DNAH12: variants seen among roughly 807,000 people sequenced by gnomAD.
DNAH12 encodes dynein axonemal heavy chain 12.
Under a neutral mutation model 371.5 loss-of-function variants are expected in DNAH12, and 285 were observed. That is an observed-to-expected ratio of 0.77 (90% CI 0.70 to 0.85). DNAH12 has a LOEUF of 0.85. Among genes scored for constraint, DNAH12 ranks in the 40% least tolerant of loss-of-function variants. DNAH12 has a pLI of 0.00. For synonymous variants in DNAH12, 1,200 were observed against 1,213.0 expected (o/e 0.99, Z 0.22); for missense variants, 3,611 against 3,689.4 (o/e 0.98, Z 0.55).
intron 58 of DNAH12, among the ~76,000 whole-genome samples, chr3:57,359,740 G>A (rs1485417319): frequency 6.6e-6 from 1 of 152,080 alleles, no homozygotes. Context: ...AGTAGCAGTA[G>A]GGGTAAATTT....
chr3:57,393,566 C>A (rs1237355725), intron 44 of DNAH12, among the ~76,000 whole-genome samples: 1 of 128,712 alleles, frequency 7.8e-6, no homozygotes, highest in African/African-American at 3.0e-5. Flanking sequence ...GCGGAGGTTG[C>A]AGTGAGGCGA....
At chr3:57,445,532 C>T (rs1370692896) in intron 27 of DNAH12, 113 bp from the exon 28 acceptor site, 1 of 957,608 alleles carries the variant, frequency 1.0e-6, no homozygotes, top group Non-Finnish European at 1.4e-6. Context: ...AATGCAGCAC[C>T]TTTTTCTAAA....
intron 36 of DNAH12, among the ~76,000 whole-genome samples, chr3:57,421,088 T>G (rs1184542909): frequency 6.6e-6 from 1 of 152,078 alleles, no homozygotes; most frequent in African/African-American, 2.4e-5. Context: ...GGTCCTGCAC[T>G]GTCAGTCAGG....
In DNAH12 at chr3:57,408,605, C is replaced by G. The variant is rs529276947; in HGVS notation, c.6021-70G>C. ...CATTAAGATGGGATGAAATATAGAT[C>G]TCCCAAGAAATTTAATCAGATTTTA... is the stretch of plus-strand genomic sequence containing the variant. On this transcript the variant is annotated intron_variant, in intron 39 of 73. Coordinates refer to ENST00000495027, the MANE Select transcript of DNAH12 (RefSeq NM_001366028.2). 55 of 1,380,970 alleles carry G rather than the reference C, an allele frequency of 4.0e-5. No homozygotes were observed. The African/African-American group carries it at 5.3e-4, about 13-fold the overall frequency. The allele number at this position is 1,380,970 out of a possible 1,614,324, so 85.5% of individuals were successfully genotyped here. A position where few individuals can be genotyped will look rare whatever the true frequency, so the allele number is the denominator to read the frequency against.
intron 2 of DNAH12, among the ~76,000 whole-genome samples, chr3:57,532,154 T>C (rs1011112063): frequency 1.3e-5 from 2 of 152,194 alleles, no homozygotes; most frequent in African/African-American, 4.8e-5. Flanking sequence ...AGTATTTCAA[T>C]TGCATTTTTC....
intron 35 of DNAH12, among the ~76,000 whole-genome samples, chr3:57,423,611 G>A (rs2064663879): frequency 6.6e-6 from 1 of 152,108 alleles, no homozygotes; most frequent in Non-Finnish European, 1.5e-5. Context: ...GGAGATCAAT[G>A]CATTTAGGAA....
intron 6 of DNAH12, 120 bp from the exon 7 acceptor site, chr3:57,508,660 A>G: frequency 2.7e-6 from 3 of 1,118,430 alleles, no homozygotes; most frequent in Non-Finnish European, 3.7e-6. Context: ...GAGAAGAGGG[A>G]GCTGTGGTCA....
chr3:57,393,624 T>C (rs2063672677), intron 44 of DNAH12, among the ~76,000 whole-genome samples: 1 of 11,848 alleles, frequency 8.4e-5, no homozygotes, highest in Non-Finnish European at 1.2e-4. Context: ...AGACTCTGTC[T>C]CAAAAAAAAA....
At chr3:57,391,324 G>GCCTTCAAGCTAAGACATTATTTTTTTT (rs2063618194) in intron 45 of DNAH12, among the ~76,000 whole-genome samples, 1 of 152,090 alleles carries the variant, frequency 6.6e-6, no homozygotes, top group Non-Finnish European at 1.5e-5. Context: ...CTGTATGATT[G>GCCTTCAAGCTAAGACATTATTTTTTTT]CCTTCAAGCT....
At chr3:57,415,010 G>A (rs915646805) in intron 38 of DNAH12, among the ~76,000 whole-genome samples, 9 of 152,148 alleles carry the variant, frequency 5.9e-5, no homozygotes, top group African/African-American at 2.2e-4. Flanking sequence ...CCCATGGTTT[G>A]AAAGGTCCAG....
chr3:57,445,073 G>C (rs1190037890), intron 28 of DNAH12, 101 bp downstream of exon 28: 1 of 1,327,900 alleles, frequency 7.5e-7, no homozygotes, highest in Non-Finnish European at 1.0e-6. Flanking sequence ...AAAAGACAAA[G>C]CTCAACCCTC....
chr3:57,506,153 A>G lies in DNAH12; in HGVS notation c.897+1490T>C, dbSNP rs375111010. Among the ~76,000 whole-genome samples, 9 of 152,316 alleles carry G rather than the reference A, an allele frequency of 5.9e-5. No homozygotes were observed. In the East Asian group the frequency reaches 9.6e-4, roughly 16 times the overall value. The stretch of plus-strand genomic sequence containing the variant: ...GGTACAGAAAATGTTCCAGAAGATC[A>G]AACAACATGGTAAAGACTGAAGGGA... On this transcript the variant is annotated intron_variant, in intron 8 of 73. Transcript: ENST00000495027.
intron 35 of DNAH12, 52 bp from the exon 36 acceptor site, chr3:57,421,758 TAGG>T: frequency 6.5e-7 from 1 of 1,545,280 alleles, no homozygotes; most frequent in Non-Finnish European, 8.8e-7. Context: ...AAAGGCATTT[TAGG>T]AGAAACATTA....
intron 25 of DNAH12, among the ~76,000 whole-genome samples, chr3:57,451,934 A>G (rs74849446): frequency 0.024 from 3,647 of 152,268 alleles, 66 homozygotes; most frequent in Non-Finnish European, 0.034. Flanking sequence ...AAGTATGTCA[A>G]TGTATAAAAG....
chr3:57,296,480 TTCATCTCATAAAGAACACA>T, intron 71 of DNAH12, 45 bp from the exon 72 acceptor site: 1 of 1,407,790 alleles, frequency 7.1e-7, no homozygotes, highest in Non-Finnish European at 9.8e-7. Context: ...TCCAGACAAC[TTCATCTCATAAAGAACACA>T]TTAGCGAAAT....
chr3:57,445,119 TA>T, intron 28 of DNAH12, 54 bp downstream of exon 28: 1 of 1,468,612 alleles, frequency 6.8e-7, no homozygotes. Flanking sequence ...TTAACCTCAC[TA>T]AAGAAAATTA....
intron 30 of DNAH12, among the ~76,000 whole-genome samples, chr3:57,436,738 A>AG (rs2065138221): frequency 6.6e-6 from 1 of 151,940 alleles, no homozygotes; most frequent in Admixed American, 6.6e-5. Context: ...TATTAGTACT[A>AG]GGTCACTGAA....
intron 15 of DNAH12, among the ~76,000 whole-genome samples, chr3:57,471,077 C>G (rs62258415): frequency 6.6e-6 from 1 of 151,830 alleles, no homozygotes; most frequent in Non-Finnish European, 1.5e-5. Flanking sequence ...ATTATGTCTA[C>G]TCTACAAATA....
At chr3:57,519,835 T>C in intron 4 of DNAH12, 1 of 1,175,650 alleles carries the variant, frequency 8.5e-7, no homozygotes, top group Non-Finnish European at 1.3e-6. Flanking sequence ...GAGACAGGCA[T>C]CCATCACCTG....
Sources: gnomAD v4.1 joint callset for allele counts (sites outside exome capture counted in the v4.1 genomes callset) on GRCh38, gnomAD v4.1.1 for gene constraint, MANE v1.5 for transcripts, NCBI Gene and HGNC (gene_info 2026-07-23, HGNC 2026-07-21) for gene names.